The following NRG1 variants were observed in gnomAD, a reference collection of about 807,000 sequenced individuals.
NRG1 encodes the protein pro-neuregulin-1, membrane-bound isoform.
In NRG1, 18 loss-of-function variants were observed where a neutral mutation model predicts 63.8. The ratio of observed to expected loss-of-function variants is 0.28; its 90% CI spans 0.19 to 0.42. NRG1 has a LOEUF of 0.42. NRG1 is among the 10% of genes least tolerant of loss of function. The pLI is 1.00. For missense variants in NRG1, 762 were observed against 814.7 expected (o/e 0.94, Z 0.79); for synonymous variants, 302 against 301.3 (o/e 1.00, Z -0.02).
At chr8:32,274,959 A>G (rs553099900) in intron 1 of NRG1, among the ~76,000 whole-genome samples, 1 of 152,240 alleles carries the variant, frequency 6.6e-6, no homozygotes, top group South Asian at 2.1e-4. Flanking sequence ...CATGTACCAG[A>G]AGGGGAGCAG....
intron 1 of NRG1, among the ~76,000 whole-genome samples, chr8:32,239,465 A>C (rs924478081): frequency 6.6e-6 from 1 of 152,104 alleles, no homozygotes; most frequent in East Asian, 1.9e-4. Flanking sequence ...AGCTAGGTGA[A>C]GAACTTCTAG....
chr8:32,390,602 T>TAAA (rs66980062), intron 1 of NRG1, among the ~76,000 whole-genome samples: 4,340 of 130,610 alleles, frequency 0.033, 110 homozygotes, highest in Non-Finnish European at 0.048. Flanking sequence ...GACCCTGTCT[T>TAAA]AAAAAAAAAA....
At chr8:31,861,334 T>C (rs1828454031) in intron 1 of NRG1, among the ~76,000 whole-genome samples, 1 of 152,174 alleles carries the variant, frequency 6.6e-6, no homozygotes, top group African/African-American at 2.4e-5. Context: ...TGGGTTTATA[T>C]AATTAATGTC....
At chr8:32,302,539 AT>A (rs113290472) in intron 1 of NRG1, among the ~76,000 whole-genome samples, 20 of 149,252 alleles carry the variant, frequency 1.3e-4, no homozygotes, top group African/African-American at 5.0e-4. Flanking sequence ...CCATATGCCA[AT>A]TTTTTTCTTT....
At chr8:31,891,047 C>A (rs1257585321) in intron 1 of NRG1, among the ~76,000 whole-genome samples, 1 of 152,098 alleles carries the variant, frequency 6.6e-6, no homozygotes, top group East Asian at 1.9e-4. Context: ...ACCTATAAAA[C>A]CTTTTAGAAA....
At chr8:32,180,859 C>A (rs1841358956) in intron 1 of NRG1, among the ~76,000 whole-genome samples, 1 of 152,094 alleles carries the variant, frequency 6.6e-6, no homozygotes, top group East Asian at 1.9e-4. Context: ...TAGAATTATT[C>A]CCCCAATTGA....
chr8:32,192,021 T>C (rs1393675657), intron 1 of NRG1: 3 of 152,288 alleles, frequency 2.0e-5, no homozygotes, highest in African/African-American at 7.2e-5. Flanking sequence ...CTGTCATAGG[T>C]ACACTCCTTC....
intron 1 of NRG1, among the ~76,000 whole-genome samples, chr8:32,064,091 A>T (rs1341356879): frequency 1.3e-5 from 2 of 151,698 alleles, no homozygotes; most frequent in Non-Finnish European, 2.9e-5. Flanking sequence ...AACATTAAAA[A>T]CCCTTTCTGG....
At position 31,722,912 on chromosome 8, in the gene NRG1, TA is replaced by T. The variant is rs202133153; in HGVS notation, c.37+83484del. Among the ~76,000 whole-genome samples the T allele has an allele frequency of 1.1e-3, 169 of 152,268 alleles. 5 individuals are homozygous for T. The East Asian group carries it at 0.022, about 19-fold the overall frequency. ...GTAGGGTGATTGATCAGCTTAAATG[TA>T]AACTATTTTGGTGACCATGATATAT... On this transcript the variant is annotated intron_variant, in intron 1 of 10. Transcript: ENST00000519301.
chr8:32,486,627 A>ATTTTTT (rs1554557143), intron 1 of NRG1, among the ~76,000 whole-genome samples: 3 of 145,518 alleles, frequency 2.1e-5, no homozygotes, highest in African/African-American at 7.7e-5. Context: ...GAATTGCTGG[A>ATTTTTT]TTTTTTTTTT....
intron 1 of NRG1, among the ~76,000 whole-genome samples, chr8:31,844,653 CAT>C (rs1464243541): frequency 2.6e-5 from 4 of 152,186 alleles, no homozygotes; most frequent in Non-Finnish European, 4.4e-5. Context: ...TTTACTCACT[CAT>C]GTGTGGGTCA....
At chr8:31,714,244 C>A (rs1196762471) in intron 1 of NRG1, among the ~76,000 whole-genome samples, 1 of 151,932 alleles carries the variant, frequency 6.6e-6, no homozygotes, top group Non-Finnish European at 1.5e-5. Flanking sequence ...TAATACCCAG[C>A]AAGTGGAAGG....
intron 5 of NRG1, among the ~76,000 whole-genome samples, chr8:32,645,903 TCAG>T (rs1276501004): frequency 6.6e-5 from 10 of 152,142 alleles, no homozygotes; most frequent in South Asian, 4.1e-4. Context: ...AAAAAAACAG[TCAG>T]CATTGAAACT....
chr8:31,828,730 T>C (rs1248996422), intron 1 of NRG1, among the ~76,000 whole-genome samples: 6 of 152,196 alleles, frequency 3.9e-5, no homozygotes, highest in Non-Finnish European at 8.8e-5. Context: ...TCCTTTGGTA[T>C]TTGCAGGGCA....
intron 5 of NRG1, among the ~76,000 whole-genome samples, chr8:32,677,098 A>G (rs555587115): frequency 2.5e-4 from 38 of 152,252 alleles, no homozygotes; most frequent in African/African-American, 7.2e-4. Context: ...TCAAGAGTAT[A>G]GAGAGAGACT....
intron 1 of NRG1, among the ~76,000 whole-genome samples, chr8:32,062,490 C>T (rs1226156189): frequency 6.6e-6 from 1 of 152,040 alleles, no homozygotes; most frequent in Non-Finnish European, 1.5e-5. Flanking sequence ...ATCTGACAGC[C>T]TCATGGAGAG....
chr8:32,183,039 T>A (rs1339618265), intron 1 of NRG1, among the ~76,000 whole-genome samples: 1 of 152,170 alleles, frequency 6.6e-6, no homozygotes, highest in Non-Finnish European at 1.5e-5. Flanking sequence ...ATTATCAACT[T>A]GTTCATTTTT....
Position 32,596,006 on chromosome 8 carries a change from G to GT in NRG1, c.278+2dup. 6.2e-7 allele frequency: 1 copy of GT among 1,611,890 alleles called. No individual in the cohort carries two copies. Among genetic ancestry groups the GT allele is most frequent in the Non-Finnish European group, 8.5e-7 (1 of 1,178,912 alleles). On this transcript the variant is annotated splice_donor_variant, in intron 2 of 11. Coordinates refer to ENST00000356819, the Ensembl canonical transcript of NRG1. LOFTEE classifies it high-confidence loss of function. ...ATATCAAGATACAAAAAAAGCCAGGGTAAGTATAATGCATAAAATAGTAGA... is the reference window on the plus strand; with the variant it reads ...ATATCAAGATACAAAAAAAGCCAGGGTTAAGTATAATGCATAAAATAGTAGA...
chr8:32,052,965 AC>A (rs1323878866), intron 1 of NRG1, among the ~76,000 whole-genome samples: 1 of 152,164 alleles, frequency 6.6e-6, no homozygotes, highest in Non-Finnish European at 1.5e-5. Flanking sequence ...GGTTAGCTAT[AC>A]TGTGTCTCCT....
Sources: allele counts gnomAD v4.1 joint callset (sites outside exome capture counted in the v4.1 genomes callset), GRCh38; gene constraint gnomAD v4.1.1; transcripts MANE v1.5; gene names NCBI Gene and HGNC (gene_info 2026-07-23, HGNC 2026-07-21).